SLC26A2: variants seen among roughly 807,000 people sequenced by gnomAD.
SLC26A2 encodes the protein sulfate transporter.
A neutral mutation model predicts 41.1 loss-of-function variants in SLC26A2; 36 were observed. The observed-to-expected ratio is 0.88, with a 90% confidence interval of 0.67 to 1.16. The LOEUF is 1.16. SLC26A2 is among the 50% of genes most tolerant of loss of function. The pLI is 0.00. For missense variants in SLC26A2, 796 were observed against 869.6 expected, an observed-to-expected ratio of 0.92 and a Z score of 1.07; for synonymous variants, 291 against 311.6, an observed-to-expected ratio of 0.93 and a Z score of 0.70.
chr5:149,962,148 A>G (rs1015563177), intron 1 of SLC26A2: 2 of 151,782 alleles, frequency 1.3e-5, no homozygotes, highest in Non-Finnish European at 2.9e-5. Flanking sequence ...GTTCAGCATC[A>G]TCTAGCGTGT....
Position 149,978,282 on chromosome 5 carries a change from G to A in SLC26A2, c.630G>A (p.Arg210=), listed in dbSNP as rs867540010. Residue 210 remains arginine, a synonymous_variant, in exon 2 of 3, where the codon AGG becomes AGA. Coordinates refer to ENST00000286298, the MANE Select transcript of SLC26A2 (RefSeq NM_000112.4). The stretch of plus-strand genomic sequence containing the variant: ...CATTATTAAATCATACATCAGACAG[G>A]ATATGTGACAAAAGTTGCTATGCAA... ...GSTLLNHTSD[R]ICDKSCYAIM... 6.2e-7 allele frequency: 1 copy of A among 1,614,050 alleles called. No homozygotes were observed. The highest frequency in any genetic ancestry group is 8.5e-7 in the Non-Finnish European group (1 of 1,180,004).
chr5:149,969,684 G>A lies in SLC26A2; in HGVS notation c.-25-7944G>A, dbSNP rs78767236. Among the ~76,000 whole-genome samples, 390 of 152,294 alleles carry A rather than the reference G, an allele frequency of 2.6e-3. 5 individuals carry two copies. Among genetic ancestry groups the A allele is most frequent in the African/African-American group, 8.7e-3 (363 of 41,552 alleles). On this transcript the variant is annotated intron_variant, in intron 1 of 2. Transcript: ENST00000286298. ...TAACTGTAGCTTAGAGGATGAACTC[G>A]TGACTTCTTGGAATTGCATAAAAAC... is the stretch of plus-strand genomic sequence containing the variant.
At chr5:149,974,408 G>C (rs1182876591) in intron 1 of SLC26A2, among the ~76,000 whole-genome samples, 1 of 151,038 alleles carries the variant, frequency 6.6e-6, no homozygotes, top group Non-Finnish European at 1.5e-5. Flanking sequence ...CTTGGAGATA[G>C]ATTATATATT....
intron 1 of SLC26A2, among the ~76,000 whole-genome samples, chr5:149,971,558 C>T (rs1040236455): frequency 3.9e-5 from 6 of 152,226 alleles, no homozygotes; most frequent in African/African-American, 1.2e-4. Context: ...CGCCACCACG[C>T]CTGGCTGACT....
chr5:149,965,823 T>G (rs550349153), intron 1 of SLC26A2, among the ~76,000 whole-genome samples: 8 of 152,326 alleles, frequency 5.3e-5, no homozygotes, highest in Admixed American at 5.2e-4. Flanking sequence ...AGGAAAAAGG[T>G]TAGGAGTCAG....
chr5:149,967,251 T>C (rs1480822304), intron 1 of SLC26A2, among the ~76,000 whole-genome samples: 2 of 152,258 alleles, frequency 1.3e-5, no homozygotes, highest in African/African-American at 2.4e-5. Context: ...TATAGCTTTA[T>C]TGTAGTATAA....
chr5:149,971,605 G>A (rs1754906962), intron 1 of SLC26A2, among the ~76,000 whole-genome samples: 1 of 151,932 alleles, frequency 6.6e-6, no homozygotes. Context: ...TCATCATGTT[G>A]CCCAGGCTGA....
In SLC26A2 at chr5:149,983,850, T is replaced by G. The variant is rs1391316726; in HGVS notation, c.*2037T>G. On this transcript the variant is annotated 3_prime_UTR_variant, in exon 3 of 3. Coordinates refer to ENST00000286298, the MANE Select transcript of SLC26A2 (RefSeq NM_000112.4). ...CCTCAGCCTCCCAGAGTGTTGGGATTACAGGCGTGAGCCACTGCACTTGGC... is the reference window on the plus strand; with the variant it reads ...CCTCAGCCTCCCAGAGTGTTGGGATGACAGGCGTGAGCCACTGCACTTGGC... 6.6e-6 allele frequency: 1 copy of G among 152,374 alleles called. No homozygotes were observed. The highest frequency in any genetic ancestry group is 1.5e-5 in the Non-Finnish European group (1 of 68,162). 9.4% of individuals were successfully genotyped at this position (152,374 alleles called of 1,614,324 possible).
In SLC26A2 at chr5:149,968,560, G is replaced by A. The variant is rs1265635092; in HGVS notation, c.-26+7581G>A. 2.7e-5 allele frequency among the ~76,000 whole-genome samples: 4 copies of A among 148,434 alleles called. No individual in the cohort carries two copies. The East Asian group carries it at 5.9e-4, about 22-fold the overall frequency. ...TGAGTAGCTAGGACTACAGGCGCCC[G>A]CCACCATGCCTGGCTAATTTTTTTT... On this transcript the variant is annotated intron_variant, in intron 1 of 2. Coordinates refer to ENST00000286298, the MANE Select transcript of SLC26A2 (RefSeq NM_000112.4).
At chr5:149,973,455 G>A in intron 1 of SLC26A2, among the ~76,000 whole-genome samples, 1 of 151,526 alleles carries the variant, frequency 6.6e-6, no homozygotes, top group East Asian at 1.9e-4. Context: ...CTCTCTCTCT[G>A]TGTGTCTCTC....
At chr5:149,974,302 C>T (rs780594613) in intron 1 of SLC26A2, among the ~76,000 whole-genome samples, 108 of 151,934 alleles carry the variant, frequency 7.1e-4, no homozygotes, top group Non-Finnish European at 1.3e-3. Flanking sequence ...TTCTCTTTAT[C>T]TTTTGTTTTC....
intron 1 of SLC26A2, among the ~76,000 whole-genome samples, chr5:149,966,119 G>T (rs1380432683): frequency 6.6e-6 from 1 of 152,168 alleles, no homozygotes; most frequent in African/African-American, 2.4e-5. Flanking sequence ...GGGCCAGGCT[G>T]GTCTTGGACT....
chr5:149,979,110 G>A (rs1023676658), intron 2 of SLC26A2, among the ~76,000 whole-genome samples: 2 of 152,064 alleles, frequency 1.3e-5, no homozygotes, highest in African/African-American at 4.8e-5. Context: ...TTGTTGGGGA[G>A]GGAGGGAAAA....
chr5:149,961,184 C>G (rs1464670570), intron 1 of SLC26A2, among the ~76,000 whole-genome samples: 2 of 152,220 alleles, frequency 1.3e-5, no homozygotes, highest in Admixed American at 6.5e-5. Flanking sequence ...CCTGGTGATC[C>G]GGGCCTGCCC....
chr5:149,961,221 C>T (rs1754697566), intron 1 of SLC26A2, among the ~76,000 whole-genome samples: 1 of 152,216 alleles, frequency 6.6e-6, no homozygotes, highest in Non-Finnish European at 1.5e-5. Context: ...CCCACCCGCC[C>T]TCCATCCCGC....
At position 149,986,828 on chromosome 5, in the gene SLC26A2, A is replaced by G. The variant is rs1006067219; in HGVS notation, c.*5015A>G. 6.6e-6 allele frequency: 1 copy of G among 152,196 alleles called. No individual in the cohort carries two copies. The highest frequency in any genetic ancestry group is 2.4e-5 in the African/African-American group (1 of 41,472). The allele number at this position is 152,196 out of a possible 1,614,324, so 9.4% of individuals were successfully genotyped here. ...TGGAGATGTTCTCTTCCCTTATCTCATGCGTCATCCCTAAAATAATAAGAT... is the reference window on the plus strand; with the variant it reads ...TGGAGATGTTCTCTTCCCTTATCTCGTGCGTCATCCCTAAAATAATAAGAT... On this transcript the variant is annotated 3_prime_UTR_variant, in exon 3 of 3. Transcript: ENST00000286298.
At chr5:149,969,721 T>A (rs1019222083) in intron 1 of SLC26A2, among the ~76,000 whole-genome samples, 1 of 152,224 alleles carries the variant, frequency 6.6e-6, no homozygotes, top group Admixed American at 6.5e-5. Context: ...AATCCTTCAC[T>A]CCAGCCTTAT....
rs982879554 is a variant in SLC26A2 at position 149,980,299 on chromosome 5, A to G, written c.706A>G (p.Met236Val). The change falls in exon 3 of 3, where the codon ATG becomes GTG. Residue 236 changes from methionine to valine, a missense_variant. Met to Val is a conservative substitution (Grantham distance 21, BLOSUM62 1). Coordinates refer to ENST00000286298, the MANE Select transcript of SLC26A2 (RefSeq NM_000112.4). ...TCTATATCCTTCCTTCCAGGTAGCG[A>G]TGGGCTTCTTTCAAGTGGGTTTTGT... ...TFIAGVYQVAMGFFQVGFVSV... is the reference protein window; with the variant it reads ...TFIAGVYQVAVGFFQVGFVSV... The G allele has an allele frequency of 6.8e-6, 11 of 1,613,600 alleles. No individual in the cohort carries two copies. The highest frequency in any genetic ancestry group is 1.6e-4 in the Middle Eastern group (1 of 6,082).
chr5:149,978,975 C>T (rs1755046756), intron 2 of SLC26A2, among the ~76,000 whole-genome samples: 1 of 152,038 alleles, frequency 6.6e-6, no homozygotes, highest in African/African-American at 2.4e-5. Flanking sequence ...GTCTTGGCCT[C>T]CCAAAGTGCT....
Sources: gnomAD v4.1 joint callset for allele counts (sites outside exome capture counted in the v4.1 genomes callset) on GRCh38, gnomAD v4.1.1 for gene constraint, MANE v1.5 for transcripts, NCBI Gene and HGNC (gene_info 2026-07-23, HGNC 2026-07-21) for gene names.